The following FRMD4A variants were observed in gnomAD, a reference collection of about 807,000 sequenced individuals.
The protein encoded by FRMD4A is FERM domain containing 4A.
Under a neutral mutation model 129.1 loss-of-function variants are expected in FRMD4A, and 29 were observed. The observed-to-expected ratio is 0.22, with a 90% CI of 0.17 to 0.31. The LOEUF is 0.31. Among genes scored for constraint, FRMD4A ranks in the 10% least tolerant of loss-of-function variants. The probability of loss-of-function intolerance (pLI) is 1.00; values close to 1 mark genes in which losing one functional copy is unlikely to be tolerated. For missense variants in FRMD4A, 1,272 were observed against 1,375.8 expected, an observed-to-expected ratio of 0.92 and a Z score of 1.19; for synonymous variants, 634 against 571.6, an observed-to-expected ratio of 1.11 and a Z score of -1.56.
intron 2 of FRMD4A, among the ~76,000 whole-genome samples, chr10:14,210,076 T>G (rs763860081): frequency 5.3e-5 from 8 of 152,214 alleles, no homozygotes; most frequent in Non-Finnish European, 2.9e-5. Context: ...AAGAAATTTC[T>G]GTTGTTTGAA....
chr10:14,194,488 A>G (rs1239370199), intron 2 of FRMD4A, among the ~76,000 whole-genome samples: 34 of 152,276 alleles, frequency 2.2e-4, no homozygotes, highest in Admixed American at 3.3e-4. Context: ...GCAGGCACCT[A>G]TAGTCCCAGC....
chr10:13,679,474 T>TATATACACACACACACACACACACACAC (rs1308155926), intron 15 of FRMD4A, among the ~76,000 whole-genome samples: 32 of 31,478 alleles, frequency 1.0e-3, no homozygotes, highest in Non-Finnish European at 1.3e-3. Flanking sequence ...TATATATATA[T>TATATACACACACACACACACACACACAC]ACACACACAC....
chr10:14,189,443 G>A (rs1031785959), intron 2 of FRMD4A, among the ~76,000 whole-genome samples: 16 of 152,016 alleles, frequency 1.1e-4, no homozygotes, highest in Non-Finnish European at 2.9e-5. Context: ...GTGTGGTGGC[G>A]GGCACCTGTA....
chr10:13,699,224 GTTTTTTTTT>G (rs1168489802), intron 14 of FRMD4A, among the ~76,000 whole-genome samples: 6 of 76,272 alleles, frequency 7.9e-5, no homozygotes, highest in African/African-American at 2.6e-4. Flanking sequence ...CTTGGTTATT[GTTTTTTTTT>G]TTTTTTTTTT....
rs56057421 is a variant in FRMD4A at position 13,679,841 on chromosome 10, G to A, written c.1118-4797C>T. On this transcript the variant is annotated intron_variant, in intron 15 of 24. Coordinates refer to ENST00000357447, the MANE Select transcript of FRMD4A (RefSeq NM_018027.5). ...GCAACTAAGCAAACGTGGCCACCAA[G>A]GCAAGAGGTGGCCGAGTGCCCAGTG... Among the ~76,000 whole-genome samples the A allele has an allele frequency of 1.7e-3, 264 of 152,176 alleles. 2 individuals are homozygous for A. Among genetic ancestry groups the A allele is most frequent in the African/African-American group, 6.1e-3 (254 of 41,504 alleles).
At chr10:13,789,804 T>TGTGTGTGTGTGG (rs1554898662) in intron 5 of FRMD4A, among the ~76,000 whole-genome samples, 4 of 104,108 alleles carry the variant, frequency 3.8e-5, no homozygotes, top group South Asian at 3.0e-4. Context: ...TGTGTGTGTG[T>TGTGTGTGTGTGG]TGTGTGGTGA....
intron 3 of FRMD4A, among the ~76,000 whole-genome samples, chr10:13,832,273 C>T (rs988342062): frequency 3.3e-5 from 5 of 152,152 alleles, no homozygotes; most frequent in African/African-American, 1.2e-4. Flanking sequence ...AAGTGCCTTT[C>T]CCGTGTGTCC....
intron 2 of FRMD4A, among the ~76,000 whole-genome samples, chr10:13,981,012 A>T (rs2095558643): frequency 6.6e-6 from 1 of 152,238 alleles, no homozygotes; most frequent in South Asian, 2.1e-4. Flanking sequence ...TAATTTAGTG[A>T]GTTGCCTAGA....
chr10:14,135,850 T>A (rs1839506651), intron 2 of FRMD4A, among the ~76,000 whole-genome samples: 1 of 152,210 alleles, frequency 6.6e-6, no homozygotes, highest in South Asian at 2.1e-4. Flanking sequence ...CTGAATACAA[T>A]GGTCATGGAA....
chr10:13,841,830 C>T (rs778133605), intron 3 of FRMD4A, among the ~76,000 whole-genome samples: 4 of 152,106 alleles, frequency 2.6e-5, no homozygotes, highest in African/African-American at 4.8e-5. Context: ...TCACAGGAAC[C>T]CTCATATTTG....
intron 2 of FRMD4A, among the ~76,000 whole-genome samples, chr10:14,127,982 C>CCTTCCTTCCTTCCTTCCTT (rs1838978089): frequency 1.2e-5 from 1 of 81,206 alleles, no homozygotes; most frequent in Admixed American, 1.3e-4. Flanking sequence ...TTCTTTCCTT[C>CCTTCCTTCCTTCCTTCCTT]TCTCTCTCTC....
intron 3 of FRMD4A, among the ~76,000 whole-genome samples, chr10:13,853,608 T>C (rs2131018863): frequency 6.6e-6 from 1 of 151,748 alleles, no homozygotes; most frequent in South Asian, 2.1e-4. Context: ...CTGTTGTGGG[T>C]GGGTCACCTG....
At position 14,235,058 on chromosome 10, in the gene FRMD4A, C is replaced by T. The variant is rs1843756372; in HGVS notation, c.45+95000G>A. Among the ~76,000 whole-genome samples the T allele has an allele frequency of 2.0e-5, 3 of 152,058 alleles. No homozygotes were observed. The South Asian group carries it at 6.2e-4, about 32-fold the overall frequency. Reference sequence around the variant, plus strand: ...GGAAGGGGTAGTTCCCTTCAAGTCTCGTAATTAGTTCACCTGTAGTTGTTT... The same window carrying T: ...GGAAGGGGTAGTTCCCTTCAAGTCTTGTAATTAGTTCACCTGTAGTTGTTT... On this transcript the variant is annotated intron_variant, in intron 2 of 24. Coordinates refer to ENST00000357447, the MANE Select transcript of FRMD4A (RefSeq NM_018027.5).
intron 3 of FRMD4A, among the ~76,000 whole-genome samples, chr10:13,835,584 T>C (rs2093860705): frequency 6.6e-6 from 1 of 151,946 alleles, no homozygotes; most frequent in South Asian, 2.1e-4. Flanking sequence ...CTCATAGGAG[T>C]ATGAACCCTA....
At chr10:13,808,836 T>C (rs113603971) in intron 4 of FRMD4A, among the ~76,000 whole-genome samples, 2,851 of 152,264 alleles carry the variant, frequency 0.019, 49 homozygotes, top group Non-Finnish European at 0.028. Flanking sequence ...GGGCAGGTGA[T>C]GGAAATGGCT....
chr10:13,873,426 G>A (rs1024813252), intron 2 of FRMD4A, among the ~76,000 whole-genome samples: 3 of 152,202 alleles, frequency 2.0e-5, no homozygotes, highest in Admixed American at 1.3e-4. Flanking sequence ...TGGAGAACTC[G>A]CAAAGGAGAC....
intron 8 of FRMD4A, among the ~76,000 whole-genome samples, chr10:13,749,902 T>C (rs2091484064): frequency 6.6e-6 from 1 of 150,644 alleles, no homozygotes; most frequent in Admixed American, 6.6e-5. Flanking sequence ...TGCAGTAAGC[T>C]GTAATTGCAA....
chr10:14,208,397 C>A (rs983860640), intron 2 of FRMD4A, among the ~76,000 whole-genome samples: 2 of 152,060 alleles, frequency 1.3e-5, no homozygotes, highest in Admixed American at 1.3e-4. Context: ...ATGTCATTAG[C>A]ACACTCACCC....
intron 2 of FRMD4A, among the ~76,000 whole-genome samples, chr10:13,942,134 C>T (rs756457517): frequency 1.3e-5 from 2 of 152,128 alleles, no homozygotes; most frequent in Non-Finnish European, 2.9e-5. Flanking sequence ...TGGAGGGACC[C>T]TATCCTTTCT....
Sources: gnomAD v4.1 joint callset for allele counts (sites outside exome capture counted in the v4.1 genomes callset) on GRCh38, gnomAD v4.1.1 for gene constraint, MANE v1.5 for transcripts, NCBI Gene and HGNC (gene_info 2026-07-23, HGNC 2026-07-21) for gene names.